The following FGF13 variants were observed in gnomAD, a reference collection of about 807,000 sequenced individuals.
FGF13 encodes the protein fibroblast growth factor 13.
Under a neutral mutation model 19.5 loss-of-function variants are expected in FGF13, and 2 were observed. The observed-to-expected ratio is 0.10, with a 90% CI of 0.04 to 0.32. FGF13 has a LOEUF of 0.32. FGF13 is among the 10% of genes least tolerant of loss of function. FGF13 has a pLI of 1.00. For missense variants in FGF13, 113 were observed against 192.7 expected (o/e 0.59, Z 2.45); for synonymous variants, 72 against 76.9 (o/e 0.94, Z 0.33).
intron 3 of FGF13, among the ~76,000 whole-genome samples, chrX:138,850,444 T>A (rs754260001): frequency 2.1e-4 from 24 of 111,988 alleles, no homozygotes; most frequent in Non-Finnish European, 4.0e-4. Flanking sequence ...TAGAATTAAA[T>A]ACTTTGTGGG....
intron 1 of FGF13, among the ~76,000 whole-genome samples, chrX:139,197,925 C>G: frequency 1.1e-5 from 1 of 88,801 alleles, no homozygotes. Flanking sequence ...ACCTGGGAGG[C>G]GGAGGTTGCA....
At chrX:139,105,122 C>T (rs2083550489) in intron 1 of FGF13, among the ~76,000 whole-genome samples, 1 of 110,835 alleles carries the variant, frequency 9.0e-6, no homozygotes, top group African/African-American at 3.3e-5. Context: ...CCCTATCTGG[C>T]CAACTCTCAC....
chrX:138,657,807 T>C (rs775341371), intron 3 of FGF13, among the ~76,000 whole-genome samples: 1 of 112,127 alleles, frequency 8.9e-6, no homozygotes, highest in African/African-American at 3.2e-5. Flanking sequence ...ATTCCCAGTA[T>C]GATTACTACA....
rs142459168 is a variant in FGF13 at position 138,912,446 on chromosome X, A to G, written c.-112-47796T>C. On this transcript the variant is annotated intron_variant, in intron 1 of 2. Coordinates refer to the FGF13 transcript ENST00000421460. ...CTGACTTCAGAGACTTGGGCTCTGA[A>G]GGCATATTAACAAGCCAGTTGTCCA... Among the ~76,000 whole-genome samples the G allele has an allele frequency of 5.3e-3, 594 of 111,798 alleles. 3 individuals carry two copies. Among genetic ancestry groups the G allele is most frequent in the African/African-American group, 0.018 (558 of 30,777 alleles).
chrX:138,709,321 C>T (rs1223629236), intron 1 of FGF13, among the ~76,000 whole-genome samples: 1 of 111,975 alleles, frequency 8.9e-6, no homozygotes, highest in Non-Finnish European at 1.9e-5. Flanking sequence ...TGTCTGCCAA[C>T]CGACCAAGGA....
chrX:139,035,918 A>T lies in FGF13; in HGVS notation c.-113+167498T>A, dbSNP rs1214552668. On this transcript the variant is annotated intron_variant, in intron 1 of 2. Coordinates refer to the FGF13 transcript ENST00000421460. Reference sequence around the variant, plus strand: ...CATTTCTCAGCAGCCAGTCAAAGTAACAGCTCAATGTGCAATAATTTCAGA... The same window carrying T: ...CATTTCTCAGCAGCCAGTCAAAGTATCAGCTCAATGTGCAATAATTTCAGA... Among the ~76,000 whole-genome samples the T allele has an allele frequency of 3.6e-5, 4 of 112,162 alleles. No individual in the cohort carries two copies. The East Asian group carries it at 1.1e-3, about 32-fold the overall frequency.
chrX:139,014,332 A>T (rs1293290468), intron 1 of FGF13, among the ~76,000 whole-genome samples: 1 of 111,581 alleles, frequency 9.0e-6, no homozygotes, highest in African/African-American at 3.3e-5. Flanking sequence ...TGGTGTTTTG[A>T]AAAGACAGAC....
Position 139,078,642 on chromosome X carries a change from C to T in FGF13, c.-113+124774G>A, listed in dbSNP as rs1180053299. ...TAATTTGCAGGTTTCTGTCTACATC[C>T]TCTGCTTCTATTTTCTTTGATAAGA... is the stretch of plus-strand genomic sequence containing the variant. On this transcript the variant is annotated intron_variant, in intron 1 of 2. Coordinates refer to the FGF13 transcript ENST00000421460. Among the ~76,000 whole-genome samples, 7 of 112,702 alleles carry T rather than the reference C, an allele frequency of 6.2e-5. No individual in the cohort carries two copies. The Admixed American group carries it at 6.5e-4, about 11-fold the overall frequency.
intron 1 of FGF13, among the ~76,000 whole-genome samples, chrX:138,941,279 T>C (rs1457792312): frequency 8.9e-6 from 1 of 111,942 alleles, no homozygotes; most frequent in Non-Finnish European, 1.9e-5. Flanking sequence ...CTATTCCTGT[T>C]TGCAGACAAT....
At position 138,850,792 on chromosome X, in the gene FGF13, A is replaced by C. The variant is rs1443511973; in HGVS notation, c.217+6720T>G. Among the ~76,000 whole-genome samples, 5 of 112,032 alleles carry C rather than the reference A, an allele frequency of 4.5e-5. No homozygotes were observed. In the Admixed American group the frequency reaches 4.7e-4, roughly 11 times the overall value. ...GATGTGCAAGTTTGTTACATAGGTAAATGTGTGCCATGGTGGTTTGCTGCA... is the reference window on the plus strand; with the variant it reads ...GATGTGCAAGTTTGTTACATAGGTACATGTGTGCCATGGTGGTTTGCTGCA... On this transcript the variant is annotated intron_variant, in intron 3 of 6. Transcript: ENST00000436198.
chrX:138,743,112 T>G (rs996161784), upstream of FGF13, among the ~76,000 whole-genome samples: 8 of 112,032 alleles, frequency 7.1e-5, no homozygotes, highest in African/African-American at 2.3e-4. Context: ...AGCAGCTTTA[T>G]TCATAGTTGC....
At chrX:138,791,746 T>C (rs2090744014) in intron 3 of FGF13, among the ~76,000 whole-genome samples, 1 of 111,967 alleles carries the variant, frequency 8.9e-6, no homozygotes, top group African/African-American at 3.2e-5. Flanking sequence ...TTGGAAAAAC[T>C]CCAGGAGCAT....
chrX:139,172,349 T>C (rs935179333), intron 1 of FGF13, among the ~76,000 whole-genome samples: 3 of 111,733 alleles, frequency 2.7e-5, no homozygotes, highest in African/African-American at 6.5e-5. Context: ...TCTGGGGAGA[T>C]GACAATCAGC....
chrX:138,837,904 G>T (rs776102311), intron 3 of FGF13, among the ~76,000 whole-genome samples: 18 of 112,574 alleles, frequency 1.6e-4, no homozygotes, highest in Non-Finnish European at 3.8e-5. Context: ...ACTGGCTTGA[G>T]TGGGTGGTGG....
intron 1 of FGF13, among the ~76,000 whole-genome samples, chrX:139,133,614 C>T (rs994908278): frequency 1.8e-5 from 2 of 111,227 alleles, no homozygotes; most frequent in Non-Finnish European, 3.8e-5. Context: ...ATCACTGTCA[C>T]CTTAGGCCTC....
At chrX:139,122,822 A>G (rs2083687294) in intron 1 of FGF13, among the ~76,000 whole-genome samples, 1 of 111,270 alleles carries the variant, frequency 9.0e-6, no homozygotes, top group Non-Finnish European at 1.9e-5. Context: ...TCCATCAGCA[A>G]ATCTTGCAAA....
At chrX:138,977,199 A>G (rs1279600775) in intron 1 of FGF13, among the ~76,000 whole-genome samples, 1 of 112,002 alleles carries the variant, frequency 8.9e-6, no homozygotes, top group Non-Finnish European at 1.9e-5. Context: ...TGCTCACTTC[A>G]TGTGGTCTGG....
chrX:138,932,633 C>T (rs1007765945), intron 1 of FGF13, among the ~76,000 whole-genome samples: 9 of 109,949 alleles, frequency 8.2e-5, no homozygotes, highest in Non-Finnish European at 1.7e-4. Context: ...AAAAAGAAAC[C>T]CCTTCCCAGA....
intron 1 of FGF13, among the ~76,000 whole-genome samples, chrX:138,950,840 T>C (rs576585635): frequency 9.9e-5 from 11 of 110,818 alleles, no homozygotes; most frequent in Admixed American, 7.8e-4. Context: ...GTCATCTCTA[T>C]TTCAATGGTT....
Sources: gnomAD v4.1 joint callset for allele counts (sites outside exome capture counted in the v4.1 genomes callset) on GRCh38, gnomAD v4.1.1 for gene constraint, MANE v1.5 for transcripts, NCBI Gene and HGNC (gene_info 2026-07-23, HGNC 2026-07-21) for gene names.